MAGI2: variants seen among roughly 807,000 people sequenced by gnomAD.
MAGI2 encodes the protein membrane-associated guanylate kinase, WW and PDZ domain-containing protein 2.
MAGI2 carries 35 observed loss-of-function variants against 133.3 expected under a neutral mutation model. The observed-to-expected ratio is 0.26, with a 90% CI of 0.20 to 0.35. The LOEUF (loss-of-function observed/expected upper bound fraction) is 0.35. MAGI2 is among the 10% of genes least tolerant of loss of function. The pLI is 1.00. For missense variants in MAGI2, 1,636 were observed against 1,863.4 expected (o/e 0.88, Z 2.25); for synonymous variants, 729 against 710.6 (o/e 1.03, Z -0.41).
chr7:78,543,037 C>T (rs905307472), intron 3 of MAGI2, among the ~76,000 whole-genome samples: 1 of 152,120 alleles, frequency 6.6e-6, no homozygotes, highest in African/African-American at 2.4e-5. Context: ...TTCCTAAGCC[C>T]AAACTGATGA....
intron 1 of MAGI2, chr7:79,411,328 A>G (rs999072509): frequency 1.3e-5 from 2 of 152,206 alleles, no homozygotes; most frequent in Non-Finnish European, 2.9e-5. Flanking sequence ...AGATTACCCT[A>G]GCTACACAGG....
intron 20 of MAGI2, among the ~76,000 whole-genome samples, chr7:78,097,881 T>C: frequency 6.6e-6 from 1 of 152,146 alleles, no homozygotes; most frequent in East Asian, 1.9e-4. Context: ...GAAAGGCAAC[T>C]ACTTATCTTG....
At chr7:78,453,975 T>C (rs2885554) in intron 6 of MAGI2, among the ~76,000 whole-genome samples, 31,010 of 152,140 alleles carry the variant, frequency 0.2, 3,587 homozygotes, top group African/African-American at 0.31. Flanking sequence ...ACAAGTATAA[T>C]GATAAAATCG....
chr7:78,987,680 G>C (rs1319314023), intron 2 of MAGI2, among the ~76,000 whole-genome samples: 1 of 151,830 alleles, frequency 6.6e-6, no homozygotes, highest in Non-Finnish European at 1.5e-5. Flanking sequence ...CTCTACTATA[G>C]AAAAATGAAT....
intron 6 of MAGI2, among the ~76,000 whole-genome samples, chr7:78,431,255 T>C (rs1444146888): frequency 1.3e-5 from 2 of 152,162 alleles, no homozygotes; most frequent in African/African-American, 4.8e-5. Flanking sequence ...TTTGAGACAC[T>C]TGCAGATAGG....
At position 79,171,766 on chromosome 7, in the gene MAGI2, A is replaced by T. The variant is rs866075639; in HGVS notation, c.302-164560T>A. On this transcript the variant is annotated intron_variant, in intron 1 of 21. Transcript: ENST00000354212. ...AAAATATATATATATATATATATAT[A>T]TATATTTTTTTTTTTTTTTTCTTTT... Among the ~76,000 whole-genome samples the T allele has an allele frequency of 4.8e-3, 112 of 23,256 alleles. 5 individuals are homozygous for T. Among genetic ancestry groups the T allele is most frequent in the Non-Finnish European group, 0.01 (69 of 6,760 alleles). 15.3% of individuals were successfully genotyped at this position (23,256 alleles called of 152,430 possible). A position where few individuals can be genotyped will look rare whatever the true frequency, so the allele number is the denominator to read the frequency against.
intron 3 of MAGI2, among the ~76,000 whole-genome samples, chr7:78,553,872 G>C (rs938053206): frequency 2.0e-5 from 3 of 152,140 alleles, no homozygotes; most frequent in Admixed American, 2.0e-4. Context: ...CAGGAAAATG[G>C]AAGGGAGTAG....
chr7:78,210,545 G>A (rs1486832053), intron 10 of MAGI2, among the ~76,000 whole-genome samples: 2 of 152,138 alleles, frequency 1.3e-5, no homozygotes, highest in Non-Finnish European at 2.9e-5. Flanking sequence ...TTGGGAGTAT[G>A]GGTTCAAATG....
intron 3 of MAGI2, among the ~76,000 whole-genome samples, chr7:78,626,879 A>G (rs891847794): frequency 6.6e-6 from 1 of 150,906 alleles, no homozygotes; most frequent in African/African-American, 2.4e-5. Context: ...AGGTATATAT[A>G]TAATAGGTGT....
intron 2 of MAGI2, among the ~76,000 whole-genome samples, chr7:78,855,041 G>A (rs1297510591): frequency 6.6e-6 from 1 of 151,612 alleles, no homozygotes; most frequent in Non-Finnish European, 1.5e-5. Context: ...TTTTTTTGTA[G>A]AGATGCGGTT....
At chr7:78,895,354 A>T (rs1030646283) in intron 2 of MAGI2, among the ~76,000 whole-genome samples, 1 of 152,174 alleles carries the variant, frequency 6.6e-6, no homozygotes, top group Non-Finnish European at 1.5e-5. Flanking sequence ...TTTATAAATT[A>T]CCCAGTCTCA....
intron 2 of MAGI2, among the ~76,000 whole-genome samples, chr7:78,880,121 GA>G (rs1251342099): frequency 1.5e-5 from 2 of 132,098 alleles, no homozygotes; most frequent in Admixed American, 7.5e-5. Flanking sequence ...AAGAGAAGGA[GA>G]AAAAGTAAAC....
chr7:79,209,543 C>T (rs1397122919), intron 1 of MAGI2, among the ~76,000 whole-genome samples: 1 of 152,010 alleles, frequency 6.6e-6, no homozygotes, highest in Non-Finnish European at 1.5e-5. Flanking sequence ...TCTCTAAAAG[C>T]ACCACCATAT....
At chr7:79,157,849 AGTTTT>A (rs1823938182) in intron 1 of MAGI2, among the ~76,000 whole-genome samples, 1 of 120,376 alleles carries the variant, frequency 8.3e-6, no homozygotes, top group Admixed American at 9.7e-5. Flanking sequence ...GTATCTAACA[AGTTTT>A]TTTTTTTTTT....
chr7:78,326,065 C>G (rs1341272726), intron 9 of MAGI2, among the ~76,000 whole-genome samples: 2 of 152,166 alleles, frequency 1.3e-5, no homozygotes, highest in Non-Finnish European at 2.9e-5. Flanking sequence ...TCTGTTGTCT[C>G]CTAGGCTTCA....
At chr7:78,294,178 T>C (rs1344721226) in intron 9 of MAGI2, among the ~76,000 whole-genome samples, 1 of 152,140 alleles carries the variant, frequency 6.6e-6, no homozygotes, top group Non-Finnish European at 1.5e-5. Flanking sequence ...TTTAGCACTG[T>C]TTTTCCCAAT....
intron 2 of MAGI2, among the ~76,000 whole-genome samples, chr7:78,639,966 G>A (rs1247431390): frequency 2.6e-5 from 4 of 152,198 alleles, no homozygotes; most frequent in Non-Finnish European, 5.9e-5. Context: ...GGATAAAAAA[G>A]CGGGGGTGCA....
intron 1 of MAGI2, among the ~76,000 whole-genome samples, chr7:79,024,675 C>A (rs1809688662): frequency 2.0e-5 from 3 of 151,968 alleles, no homozygotes; most frequent in Admixed American, 1.3e-4. Context: ...AAAACAACAA[C>A]CCCACTAATG....
intron 5 of MAGI2, among the ~76,000 whole-genome samples, chr7:78,498,460 T>C (rs1280315560): frequency 6.6e-6 from 1 of 152,062 alleles, no homozygotes; most frequent in African/African-American, 2.4e-5. Flanking sequence ...TCAATGACAA[T>C]GGGTGGGAAT....
Sources: allele counts gnomAD v4.1 joint callset (sites outside exome capture counted in the v4.1 genomes callset), GRCh38; gene constraint gnomAD v4.1.1; transcripts MANE v1.5; gene names NCBI Gene and HGNC (gene_info 2026-07-23, HGNC 2026-07-21).